The following CNTNAP5 variants were observed in gnomAD, a reference collection of about 807,000 sequenced individuals.
CNTNAP5 encodes contactin associated protein family member 5, also known as contactin-associated protein-like 5.
In CNTNAP5, 72 loss-of-function variants were observed where a neutral mutation model predicts 150.2. That is an observed-to-expected ratio of 0.48 (90% CI 0.40 to 0.58). The LOEUF is 0.58. Ranked by LOEUF, CNTNAP5 falls within the 20% of genes least tolerant of loss-of-function variation. The probability of loss-of-function intolerance (pLI) is 0.00; values close to 1 mark genes in which losing one functional copy is unlikely to be tolerated. For synonymous variants in CNTNAP5, 672 were observed against 619.8 expected (o/e 1.08, Z -1.25); for missense variants, 1,636 against 1,626.2 (o/e 1.01, Z -0.10).
chr2:124,317,399 C>G, intron 3 of CNTNAP5, among the ~76,000 whole-genome samples: 1 of 152,114 alleles, frequency 6.6e-6, no homozygotes, highest in African/African-American at 2.4e-5. Context: ...AAAGCTAAGA[C>G]TGAATGCAAG....
At chr2:124,199,734 A>C (rs2104707415) in intron 1 of CNTNAP5, among the ~76,000 whole-genome samples, 2 of 152,286 alleles carry the variant, frequency 1.3e-5, no homozygotes, top group East Asian at 3.9e-4. Context: ...AAGTTCTTAA[A>C]GCTACCATGA....
chr2:124,510,070 G>A (rs778675500), intron 8 of CNTNAP5, among the ~76,000 whole-genome samples: 18 of 151,500 alleles, frequency 1.2e-4, no homozygotes, highest in Admixed American at 2.6e-4. Context: ...GTGTGGTGGC[G>A]CATGCCTGTA....
chr2:124,725,435 T>C (rs960682623), intron 13 of CNTNAP5, among the ~76,000 whole-genome samples: 1 of 151,348 alleles, frequency 6.6e-6, no homozygotes, highest in African/African-American at 2.4e-5. Context: ...TCCCTCCCTT[T>C]ACTCCCCTTC....
intron 1 of CNTNAP5, among the ~76,000 whole-genome samples, chr2:124,145,834 A>AG (rs1558773954): frequency 3.0e-4 from 6 of 19,732 alleles, no homozygotes; most frequent in Non-Finnish European, 5.8e-4. Context: ...AAAAAGAAGA[A>AG]AAAAAAAAAA....
chr2:124,832,468 C>A (rs1199924960), intron 19 of CNTNAP5, among the ~76,000 whole-genome samples: 4 of 152,064 alleles, frequency 2.6e-5, no homozygotes, highest in African/African-American at 9.7e-5. Context: ...TTAAACAAGA[C>A]AATTAGACCT....
intron 1 of CNTNAP5, among the ~76,000 whole-genome samples, chr2:124,087,646 T>G (rs1236261434): frequency 6.6e-6 from 1 of 151,766 alleles, no homozygotes; most frequent in Non-Finnish European, 1.5e-5. Context: ...TGCTTGAATC[T>G]GGGAGGCGGA....
At chr2:124,863,066 A>G (rs888680736) in intron 19 of CNTNAP5, among the ~76,000 whole-genome samples, 1 of 152,210 alleles carries the variant, frequency 6.6e-6, no homozygotes, top group African/African-American at 2.4e-5. Context: ...GCAAACATGT[A>G]TAAAATGAAA....
chr2:124,522,348 T>A (rs967696062), intron 8 of CNTNAP5, among the ~76,000 whole-genome samples: 2 of 152,214 alleles, frequency 1.3e-5, no homozygotes, highest in African/African-American at 4.8e-5. Flanking sequence ...TCACTGCTGC[T>A]ACTTTTGGTG....
At chr2:124,333,563 T>G (rs1689399441) in intron 3 of CNTNAP5, among the ~76,000 whole-genome samples, 1 of 152,192 alleles carries the variant, frequency 6.6e-6, no homozygotes, top group Admixed American at 6.5e-5. Flanking sequence ...TTACAGGATT[T>G]TATAAGAAAG....
At chr2:124,094,350 A>G (rs1000982850) in intron 1 of CNTNAP5, among the ~76,000 whole-genome samples, 1 of 151,988 alleles carries the variant, frequency 6.6e-6, no homozygotes, top group Non-Finnish European at 1.5e-5. Context: ...ATCTACCTGA[A>G]CTCCATTTTC....
chr2:124,306,976 C>T (rs1688709113), intron 3 of CNTNAP5, among the ~76,000 whole-genome samples: 2 of 152,002 alleles, frequency 1.3e-5, no homozygotes, highest in Non-Finnish European at 2.9e-5. Context: ...GATCCTCTTG[C>T]CTCAGCCTTC....
chr2:124,870,491 A>AT (rs113436123), intron 21 of CNTNAP5, among the ~76,000 whole-genome samples: 44,538 of 151,480 alleles, frequency 0.29, 10,087 homozygotes, highest in African/African-American at 0.64. Context: ...CTGTCCATCC[A>AT]TTTTTTTATA....
chr2:124,660,264 T>C (rs919804747), intron 13 of CNTNAP5, among the ~76,000 whole-genome samples: 2 of 152,056 alleles, frequency 1.3e-5, no homozygotes, highest in Non-Finnish European at 2.9e-5. Context: ...AGAGGCTAGG[T>C]AGGCATCTAT....
At chr2:124,755,823 T>G (rs1469939531) in intron 14 of CNTNAP5, among the ~76,000 whole-genome samples, 1 of 152,212 alleles carries the variant, frequency 6.6e-6, no homozygotes, top group Non-Finnish European at 1.5e-5. Context: ...CTATTTTTGC[T>G]GGTATCATTG....
At chr2:124,589,193 C>T (rs1479062307) in intron 11 of CNTNAP5, among the ~76,000 whole-genome samples, 1 of 152,138 alleles carries the variant, frequency 6.6e-6, no homozygotes, top group South Asian at 2.1e-4. Flanking sequence ...TTCCTCATCT[C>T]CCCTCCACCA....
At chr2:124,175,637 CCA>C (rs980665353) in intron 1 of CNTNAP5, among the ~76,000 whole-genome samples, 3 of 152,092 alleles carry the variant, frequency 2.0e-5, no homozygotes, top group African/African-American at 7.2e-5. Flanking sequence ...TTTATGGACA[CCA>C]CACCCAATGT....
intron 2 of CNTNAP5, among the ~76,000 whole-genome samples, chr2:124,229,806 G>A (rs1686568569): frequency 6.6e-6 from 1 of 151,914 alleles, no homozygotes; most frequent in Admixed American, 6.6e-5. Context: ...GAAGGGGAAG[G>A]ATTTAAGTTA....
intron 21 of CNTNAP5, among the ~76,000 whole-genome samples, chr2:124,894,081 C>T (rs1347486418): frequency 6.6e-6 from 1 of 152,062 alleles, no homozygotes; most frequent in Admixed American, 6.6e-5. Flanking sequence ...ATGTGTGTAA[C>T]TGACTGTTGG....
chr2:124,415,561 T>A (rs935598010), intron 3 of CNTNAP5, among the ~76,000 whole-genome samples: 2 of 152,244 alleles, frequency 1.3e-5, no homozygotes, highest in African/African-American at 4.8e-5. Flanking sequence ...ACTTTGGTCA[T>A]CTGCGAAAGC....
Sources: allele counts gnomAD v4.1 joint callset (sites outside exome capture counted in the v4.1 genomes callset), GRCh38; gene constraint gnomAD v4.1.1; transcripts MANE v1.5; gene names NCBI Gene and HGNC (gene_info 2026-07-23, HGNC 2026-07-21).